ADAMTS9: variants seen among roughly 807,000 people sequenced by gnomAD.
ADAMTS9 encodes the protein ADAM metallopeptidase with thrombospondin type 1 motif 9, also known as A disintegrin and metalloproteinase with thrombospondin motifs 9.
Under a neutral mutation model 257.1 loss-of-function variants are expected in ADAMTS9, and 107 were observed. That is an observed-to-expected ratio of 0.42 (90% CI 0.36 to 0.49). The LOEUF (loss-of-function observed/expected upper bound fraction) is 0.49. Among genes scored for constraint, ADAMTS9 ranks in the 20% least tolerant of loss-of-function variants. The pLI, the probability that ADAMTS9 is intolerant of heterozygous loss-of-function variation, is 0.03. For missense variants in ADAMTS9, 2,353 were observed against 2,469.1 expected, an observed-to-expected ratio of 0.95 and a Z score of 1.00; for synonymous variants, 982 against 880.9, an observed-to-expected ratio of 1.11 and a Z score of -2.03.
At chr3:64,685,499 T>A (rs1489818403) in intron 2 of ADAMTS9, among the ~76,000 whole-genome samples, 1 of 152,166 alleles carries the variant, frequency 6.6e-6, no homozygotes, top group Non-Finnish European at 1.5e-5. Flanking sequence ...CACACGCGCG[T>A]GGCAGAAACG....
chr3:64,604,024 A>G lies in ADAMTS9; in HGVS notation c.3645T>C (p.Ser1215=), dbSNP rs754989219. Residue 1215 remains serine (S), a synonymous_variant, in exon 25 of 40, where the codon TCT becomes TCC. Transcript: ENST00000498707. The part of the protein sequence containing the change: ...RYVSCRDENG[S]VADESACATL... ...TAGCACAGGCACTCTCGTCAGCCAC[A>G]GAGCCATTCTCATCTCGGCAGCTGA... 2 of 1,614,128 alleles carry G rather than the reference A, an allele frequency of 1.2e-6. No individual in the cohort carries two copies. The highest frequency in any genetic ancestry group is 2.2e-5 in the South Asian group (2 of 91,084).
intron 25 of ADAMTS9, among the ~76,000 whole-genome samples, chr3:64,602,960 T>C (rs1196398499): frequency 6.6e-6 from 1 of 152,224 alleles, no homozygotes. Context: ...AGTAGGCAGA[T>C]GGATCTTAGA....
intron 23 of ADAMTS9, 145 bp from the exon 24 acceptor site, chr3:64,604,476 T>C (rs960994908): frequency 5.3e-6 from 3 of 568,476 alleles, no homozygotes; most frequent in African/African-American, 3.8e-5. Flanking sequence ...ACATGACATC[T>C]CTCAGTCCCA....
chr3:64,682,908 A>C (rs542384570), intron 2 of ADAMTS9, among the ~76,000 whole-genome samples: 2 of 152,354 alleles, frequency 1.3e-5, no homozygotes, highest in East Asian at 3.9e-4. Context: ...TTTTGTTTTT[A>C]AATTAGATTT....
At chr3:64,641,457 C>T (rs1700637972) in intron 12 of ADAMTS9, among the ~76,000 whole-genome samples, 2 of 142,084 alleles carry the variant, frequency 1.4e-5, no homozygotes, top group Non-Finnish European at 3.1e-5. Context: ...TCTCCTAATG[C>T]TATCCCTCCC....
At chr3:64,554,628 T>G (rs2106940383) in intron 30 of ADAMTS9, among the ~76,000 whole-genome samples, 1 of 152,326 alleles carries the variant, frequency 6.6e-6, no homozygotes, top group South Asian at 2.1e-4. Context: ...TTCTCTAATT[T>G]CAGTATGGCT....
intron 30 of ADAMTS9, among the ~76,000 whole-genome samples, chr3:64,552,413 C>T (rs1369129451): frequency 6.6e-6 from 1 of 152,158 alleles, no homozygotes; most frequent in Non-Finnish European, 1.5e-5. Context: ...CCCAACATTT[C>T]AAGACTCATT....
intron 12 of ADAMTS9, among the ~76,000 whole-genome samples, chr3:64,638,344 A>G (rs1046872628): frequency 1.3e-5 from 2 of 152,216 alleles, no homozygotes; most frequent in African/African-American, 2.4e-5. Context: ...CTGAAAATAC[A>G]TCTTCTAGTT....
At chr3:64,597,016 A>ACTTG in intron 26 of ADAMTS9, 25 bp from the exon 27 acceptor site, 1 of 1,612,734 alleles carries the variant, frequency 6.2e-7, no homozygotes, top group Non-Finnish European at 8.5e-7. Flanking sequence ...CGACAAGTTA[A>ACTTG]TCCCCACCTC....
chr3:64,543,402 C>G (rs1256265688), intron 32 of ADAMTS9, among the ~76,000 whole-genome samples: 1 of 152,182 alleles, frequency 6.6e-6, no homozygotes, highest in Admixed American at 6.5e-5. Flanking sequence ...AGCAGCACAT[C>G]AAAAAGCTTA....
At chr3:64,599,308 C>T (rs1576100981) in intron 26 of ADAMTS9, among the ~76,000 whole-genome samples, 1 of 152,326 alleles carries the variant, frequency 6.6e-6, no homozygotes, top group East Asian at 1.9e-4. Flanking sequence ...CTTTTGTTAA[C>T]AAAGTCCCTG....
rs1162367916 is a variant in ADAMTS9, at chr3:64,636,978, C to T, written c.1857-3099G>A. Among the ~76,000 whole-genome samples the T allele has an allele frequency of 2.6e-5, 4 of 152,290 alleles. No individual in the cohort carries two copies. The East Asian group carries it at 7.7e-4, about 29-fold the overall frequency. On this transcript the variant is annotated intron_variant, in intron 12 of 39. Transcript: ENST00000498707. ...GGAGCCCAACCCAACTCTCCCTGAC[C>T]AGAAGCTCAAGACCTGGCCTCTCTT...
chr3:64,584,204 A>G (rs1353104534), intron 28 of ADAMTS9: 1 of 152,148 alleles, frequency 6.6e-6, no homozygotes, highest in Non-Finnish European at 1.5e-5. Context: ...TGTGGACTGG[A>G]TAGCAGTCGA....
intron 30 of ADAMTS9, among the ~76,000 whole-genome samples, chr3:64,552,017 A>G (rs1576008828): frequency 6.6e-6 from 1 of 152,350 alleles, no homozygotes; most frequent in East Asian, 1.9e-4. Context: ...AAGAGTGCAC[A>G]CAAATGGCAC....
chr3:64,607,035 T>C lies in ADAMTS9; in HGVS notation c.3399A>G (p.Lys1133=). ...CGQGYQLRAV[K]CIIGTYMSVV... is the part of the protein sequence containing the mutation. The stretch of plus-strand genomic sequence containing the variant: ...CTGACATATAAGTCCCAATGATGCA[T>C]TTCACTGCTCTTAGCTGGTATCCCT... The change falls in exon 23 of 40, where the codon AAA becomes AAG. Residue 1133 remains lysine (K), a synonymous_variant. Transcript: ENST00000498707. 2 of 1,613,910 alleles carry C rather than the reference T, an allele frequency of 1.2e-6. No homozygotes were observed. Among genetic ancestry groups the C allele is most frequent in the Non-Finnish European group, 1.7e-6 (2 of 1,179,840 alleles).
At chr3:64,528,048 T>G (rs1284080714) in intron 38 of ADAMTS9, among the ~76,000 whole-genome samples, 2 of 152,222 alleles carry the variant, frequency 1.3e-5, no homozygotes, top group Admixed American at 1.3e-4. Flanking sequence ...TTACAGCCCT[T>G]GCTCTAGCCC....
At position 64,681,362 on chromosome 3, in the gene ADAMTS9, A is replaced by C. The variant is rs752925166; in HGVS notation, c.518T>G (p.Leu173Arg). 4 of 1,609,106 alleles carry C rather than the reference A, an allele frequency of 2.5e-6. No homozygotes were observed. The African/African-American group carries it at 5.4e-5, about 22-fold the overall frequency. The change falls in exon 3 of 40, where the codon CTG becomes CGG. Residue 173 changes from leucine (L) to arginine (R), a missense_variant and splice_region_variant. Transcript: ENST00000498707. ...TAVISLCSGM[L>R]GTFRSHDGDY... ...CCCATCATGAGACCGGAATGTGCCCAGCTGCAAATGAAGAGAGATGGGAGG... is the reference window on the plus strand; with the variant it reads ...CCCATCATGAGACCGGAATGTGCCCCGCTGCAAATGAAGAGAGATGGGAGG...
At chr3:64,613,620 C>T (rs937884253) in intron 21 of ADAMTS9, 111 bp from the exon 22 acceptor site, 6 of 1,042,698 alleles carry the variant, frequency 5.8e-6, no homozygotes, top group Non-Finnish European at 8.0e-6. Flanking sequence ...ACAGCAATCA[C>T]TCTCCCATAG....
rs374264324 is a variant in ADAMTS9, at chr3:64,687,019, C to G, written c.116-51G>C. The stretch of plus-strand genomic sequence containing the variant: ...AACCAATAATTCATTTTTCCTTAAG[C>G]TTTAATTTAAAACGAAGGTGGGGAC... On this transcript the variant is annotated intron_variant, in intron 1 of 39. Transcript: ENST00000498707. This position sits in a 1 kb window ranked among gnomAD's most constrained non-coding sequence, Gnocchi z 4.4. 5.8e-6 allele frequency: 9 copies of G among 1,557,374 alleles called. No homozygotes were observed. The highest frequency in any genetic ancestry group is 1.9e-5 in the Admixed American group (1 of 52,236).
Sources: allele counts gnomAD v4.1 joint callset (sites outside exome capture counted in the v4.1 genomes callset), GRCh38; gene constraint gnomAD v4.1.1; non-coding constraint Gnocchi (gnomAD v3.1); transcripts MANE v1.5; gene names NCBI Gene and HGNC (gene_info 2026-07-23, HGNC 2026-07-21).